The following COL22A1 variants were observed in gnomAD, a reference collection of about 807,000 sequenced individuals.
COL22A1 encodes collagen type XXII alpha 1 chain, also known as collagen alpha-1(XXII) chain.
COL22A1 carries 221 observed loss-of-function variants against 248.9 expected under a neutral mutation model. The observed-to-expected ratio is 0.89, with a 90% CI of 0.80 to 0.99. The LOEUF (loss-of-function observed/expected upper bound fraction) is 0.99, where lower values mean the gene tolerates loss of function less well. COL22A1 is among the 50% of genes least tolerant of loss of function. COL22A1 has a pLI of 0.00. For synonymous variants in COL22A1, 891 were observed against 793.4 expected (o/e 1.12, Z -2.07); for missense variants, 2,240 against 2,179.0 (o/e 1.03, Z -0.56).
At chr8:138,879,627 G>GT (rs1824018339) in intron 2 of COL22A1, among the ~76,000 whole-genome samples, 2 of 142,286 alleles carry the variant, frequency 1.4e-5, no homozygotes, top group Non-Finnish European at 3.0e-5. Flanking sequence ...GGAGGTGGAG[G>GT]TTGCAGTGAG....
At chr8:138,853,544 G>A (rs1233539014) in intron 3 of COL22A1, among the ~76,000 whole-genome samples, 2 of 152,118 alleles carry the variant, frequency 1.3e-5, no homozygotes, top group Admixed American at 1.3e-4. Context: ...TTAGCAAGAT[G>A]CTAATTACTC....
intron 49 of COL22A1, among the ~76,000 whole-genome samples, chr8:138,631,379 C>T (rs547106055): frequency 3.2e-4 from 49 of 152,240 alleles, no homozygotes; most frequent in Non-Finnish European, 5.1e-4. Flanking sequence ...CATTTTAGGA[C>T]GGGCCAATGC....
chr8:138,713,677 C>G (rs1446394881), intron 30 of COL22A1, among the ~76,000 whole-genome samples: 1 of 149,782 alleles, frequency 6.7e-6, no homozygotes, highest in Non-Finnish European at 1.5e-5. Flanking sequence ...CTGACTCCAT[C>G]CACAACAAAA....
intron 40 of COL22A1, among the ~76,000 whole-genome samples, chr8:138,677,916 G>T (rs956899178): frequency 4.6e-5 from 7 of 152,190 alleles, no homozygotes; most frequent in African/African-American, 1.7e-4. Flanking sequence ...ATGACAAACG[G>T]AAACAGCCTC....
chr8:138,626,904 C>A (rs995001125), intron 50 of COL22A1, among the ~76,000 whole-genome samples: 6 of 152,040 alleles, frequency 3.9e-5, no homozygotes, highest in Non-Finnish European at 7.4e-5. Flanking sequence ...ATAATCAGTG[C>A]CCTAATTCCT....
chr8:138,808,615 G>A (rs1309906228), intron 9 of COL22A1, among the ~76,000 whole-genome samples: 4 of 152,062 alleles, frequency 2.6e-5, no homozygotes, highest in Non-Finnish European at 4.4e-5. Flanking sequence ...TGTAAATGTC[G>A]CCAAGCTGAA....
At chr8:138,662,819 C>T (rs745525042) in intron 42 of COL22A1, among the ~76,000 whole-genome samples, 3 of 152,098 alleles carry the variant, frequency 2.0e-5, no homozygotes, top group African/African-American at 4.8e-5. Flanking sequence ...CTACGTAGTG[C>T]CTCAATTTCT....
At chr8:138,901,042 C>T (rs537004501) in intron 1 of COL22A1, among the ~76,000 whole-genome samples, 1 of 152,140 alleles carries the variant, frequency 6.6e-6, no homozygotes, top group Admixed American at 6.5e-5. Flanking sequence ...ATCTGTCCAG[C>T]ATCTTATTAG....
At chr8:138,688,757 G>A (rs532442907) in intron 37 of COL22A1, among the ~76,000 whole-genome samples, 160 bp downstream of exon 37, 11 of 152,126 alleles carry the variant, frequency 7.2e-5, no homozygotes, top group African/African-American at 2.7e-4. Flanking sequence ...AGGAATAAAT[G>A]AGCCAATGGG....
At chr8:138,784,278 A>G (rs1815302795) in intron 12 of COL22A1, among the ~76,000 whole-genome samples, 1 of 152,204 alleles carries the variant, frequency 6.6e-6, no homozygotes, top group African/African-American at 2.4e-5. Context: ...GTTTGGGAAT[A>G]TTTCATGAGA....
chr8:138,871,087 T>C (rs933701647), intron 3 of COL22A1, among the ~76,000 whole-genome samples: 4 of 152,066 alleles, frequency 2.6e-5, no homozygotes, highest in African/African-American at 9.7e-5. Flanking sequence ...CTTTGATTCC[T>C]GTACAAGACT....
intron 14 of COL22A1, 25 bp downstream of exon 14, chr8:138,779,484 G>C (rs769722050): frequency 6.3e-7 from 1 of 1,587,648 alleles, no homozygotes; most frequent in Non-Finnish European, 8.6e-7. Flanking sequence ...AGCATCAGAA[G>C]GGCCCAGCTC....
intron 10 of COL22A1, among the ~76,000 whole-genome samples, chr8:138,805,705 T>C (rs62645395): frequency 0.35 from 49,401 of 141,652 alleles, 9,355 homozygotes; most frequent in African/African-American, 0.54. Context: ...TGGTGTGGGA[T>C]GGTGTGTGAT....
intron 2 of COL22A1, among the ~76,000 whole-genome samples, chr8:138,880,045 G>A (rs1383827816): frequency 6.6e-6 from 1 of 152,024 alleles, no homozygotes; most frequent in Non-Finnish European, 1.5e-5. Context: ...TCCAAACTTA[G>A]TGATTTATCC....
chr8:138,770,913 T>G (rs1366183486), intron 16 of COL22A1, among the ~76,000 whole-genome samples: 5 of 152,172 alleles, frequency 3.3e-5, no homozygotes, highest in African/African-American at 4.8e-5. Context: ...ACCCCATATA[T>G]AAAGCACATG....
intron 1 of COL22A1, among the ~76,000 whole-genome samples, chr8:138,892,557 C>T (rs1825141415): frequency 6.6e-6 from 1 of 152,138 alleles, no homozygotes. Context: ...CAGCCCTGAG[C>T]TGTTTTCAGG....
intron 1 of COL22A1, among the ~76,000 whole-genome samples, chr8:138,900,303 C>T (rs1814448913): frequency 6.6e-6 from 1 of 152,148 alleles, no homozygotes; most frequent in Non-Finnish European, 1.5e-5. Flanking sequence ...AGTGTTTGGT[C>T]CTTCTAAAGA....
At position 138,834,616 on chromosome 8, in the gene COL22A1, C is replaced by G. The variant is rs117357916; in HGVS notation, c.734-1466G>C. 2.5e-4 allele frequency among the ~76,000 whole-genome samples: 32 copies of G among 127,464 alleles called. No homozygotes were observed. The East Asian group carries it at 7.5e-3, about 30-fold the overall frequency. 83.6% of individuals were successfully genotyped at this position (127,464 alleles called of 152,430 possible). A position where few individuals can be genotyped will look rare whatever the true frequency, so the allele number is the denominator to read the frequency against. ...TGACCTTAGGCAGGTTGCCTGACAT[C>G]TCTGAGCACTGGCTTTATTTCATCT... On this transcript the variant is annotated intron_variant, in intron 4 of 64. Transcript: ENST00000303045.
At chr8:138,654,757 C>T (rs1356254715) in intron 45 of COL22A1, among the ~76,000 whole-genome samples, 1 of 152,182 alleles carries the variant, frequency 6.6e-6, no homozygotes, top group African/African-American at 2.4e-5. Flanking sequence ...CACCTGGGCA[C>T]CTGTGCAACT....
Sources: gnomAD v4.1 joint callset for allele counts (sites outside exome capture counted in the v4.1 genomes callset) on GRCh38, gnomAD v4.1.1 for gene constraint, MANE v1.5 for transcripts, NCBI Gene and HGNC (gene_info 2026-07-23, HGNC 2026-07-21) for gene names.